The following TYW1 variants were observed in gnomAD, a reference collection of about 807,000 sequenced individuals.
The protein encoded by TYW1 is S-adenosyl-L-methionine-dependent tRNA 4-demethylwyosine synthase TYW1.
Under a neutral mutation model 96.2 loss-of-function variants are expected in TYW1, and 46 were observed. That is an observed-to-expected ratio of 0.48 (90% confidence interval 0.38 to 0.61). The LOEUF (loss-of-function observed/expected upper bound fraction) is 0.61, where lower values mean the gene tolerates loss of function less well. TYW1 is among the 20% of genes least tolerant of loss of function. The pLI is 0.00. For missense variants in TYW1, 684 were observed against 909.6 expected, an observed-to-expected ratio of 0.75 and a Z score of 3.19; for synonymous variants, 274 against 323.0, an observed-to-expected ratio of 0.85 and a Z score of 1.63.
chr7:67,217,463 T>C (rs1000234638), intron 15 of TYW1, among the ~76,000 whole-genome samples: 9 of 152,222 alleles, frequency 5.9e-5, no homozygotes, highest in African/African-American at 2.2e-4. Context: ...TCCAGCCTCA[T>C]TGCTTTGCAT....
chr7:67,009,550 G>C, intron 3 of TYW1, 33 bp from the exon 4 acceptor site: 1 of 1,597,494 alleles, frequency 6.3e-7, no homozygotes, highest in South Asian at 1.1e-5. Flanking sequence ...GCTCATTGAA[G>C]ACTTTATTTG....
intron 13 of TYW1, among the ~76,000 whole-genome samples, chr7:67,157,648 C>T (rs1403671940): frequency 2.0e-5 from 3 of 152,150 alleles, no homozygotes; most frequent in Non-Finnish European, 2.9e-5. Context: ...TTTGGCTGAA[C>T]GGATGCCCCT....
chr7:67,195,590 A>G (rs938979268), intron 15 of TYW1, among the ~76,000 whole-genome samples: 7 of 152,168 alleles, frequency 4.6e-5, no homozygotes, highest in Non-Finnish European at 8.8e-5. Flanking sequence ...TAGAAGGTGC[A>G]TGCTAACAAA....
At chr7:67,004,579 C>T (rs916707150) in intron 3 of TYW1, among the ~76,000 whole-genome samples, 1 of 152,210 alleles carries the variant, frequency 6.6e-6, no homozygotes, top group African/African-American at 2.4e-5. Flanking sequence ...CCAAATAAAC[C>T]TTTTTATGGT....
chr7:67,084,110 T>C (rs1476942192), intron 11 of TYW1, among the ~76,000 whole-genome samples: 8 of 152,248 alleles, frequency 5.3e-5, no homozygotes, highest in African/African-American at 1.9e-4. Context: ...TACCTGGGAA[T>C]GTACCATCAA....
chr7:67,003,332 T>G lies in TYW1; in HGVS notation c.273+4378T>G, dbSNP rs576402173. On this transcript the variant is annotated intron_variant, in intron 3 of 15. Transcript: ENST00000359626. ...AACCCATGTCCAGTCTGTCAGCAGATTCTGTTTGTTCTACTTTAAGAATAG... is the reference window on the plus strand; with the variant it reads ...AACCCATGTCCAGTCTGTCAGCAGAGTCTGTTTGTTCTACTTTAAGAATAG... 9.2e-5 allele frequency among the ~76,000 whole-genome samples: 14 copies of G among 152,148 alleles called. No homozygotes were observed. The East Asian group carries it at 2.7e-3, about 29-fold the overall frequency.
chr7:67,155,545 C>G (rs1798941066), intron 13 of TYW1, among the ~76,000 whole-genome samples: 1 of 148,294 alleles, frequency 6.7e-6, no homozygotes, highest in East Asian at 1.9e-4. Context: ...ATAAATTACC[C>G]AGCTTTAGGT....
At chr7:67,216,800 T>G (rs1801208684) in intron 15 of TYW1, among the ~76,000 whole-genome samples, 1 of 151,148 alleles carries the variant, frequency 6.6e-6, no homozygotes, top group South Asian at 2.1e-4. Context: ...GATCTAAGTT[T>G]GTTACAATTT....
chr7:67,104,736 G>T (rs2115895674), intron 12 of TYW1, among the ~76,000 whole-genome samples: 1 of 152,312 alleles, frequency 6.6e-6, no homozygotes, highest in African/African-American at 2.4e-5. Context: ...GTATGCTTTT[G>T]TCAAAACAGA....
intron 7 of TYW1, among the ~76,000 whole-genome samples, chr7:67,045,792 G>A (rs963173927): frequency 1.3e-5 from 2 of 152,164 alleles, no homozygotes; most frequent in Non-Finnish European, 2.9e-5. Context: ...GTTGGAGACA[G>A]GGAGGCCATT....
intron 15 of TYW1, among the ~76,000 whole-genome samples, chr7:67,232,654 G>T (rs1584725799): frequency 7.6e-6 from 1 of 132,008 alleles, no homozygotes; most frequent in Non-Finnish European, 1.6e-5. Flanking sequence ...CCCAACCTCA[G>T]TATCTTGTCA....
chr7:67,228,387 C>T (rs1045217886), intron 15 of TYW1, among the ~76,000 whole-genome samples: 2 of 152,156 alleles, frequency 1.3e-5, no homozygotes, highest in Non-Finnish European at 2.9e-5. Context: ...ATCTCAAGAA[C>T]AGCACAGGAA....
chr7:67,035,598 A>G (rs1010331209), intron 7 of TYW1, among the ~76,000 whole-genome samples: 3 of 152,136 alleles, frequency 2.0e-5, no homozygotes, highest in African/African-American at 4.8e-5. Context: ...ACTCAAGGGT[A>G]TAGTTCATTG....
intron 15 of TYW1, among the ~76,000 whole-genome samples, chr7:67,202,631 G>T (rs1355971481): frequency 6.6e-6 from 1 of 151,996 alleles, no homozygotes; most frequent in Non-Finnish European, 1.5e-5. Flanking sequence ...TCCTGGGCTC[G>T]AGCAGCCCTC....
chr7:67,136,764 T>C (rs1361890384), intron 13 of TYW1, among the ~76,000 whole-genome samples: 3 of 152,144 alleles, frequency 2.0e-5, no homozygotes, highest in African/African-American at 7.2e-5. Context: ...ACTAATAATG[T>C]GTAGTTGTCC....
At chr7:67,234,347 T>TCAAAAAAAA (rs1455943199) in intron 15 of TYW1, among the ~76,000 whole-genome samples, 65 of 81,136 alleles carry the variant, frequency 8.0e-4, no homozygotes, top group Non-Finnish European at 1.3e-3. Flanking sequence ...AACCTATCTC[T>TCAAAAAAAA]TAAAAAAAAA....
rs183840753 is a variant in TYW1 at position 67,143,584 on chromosome 7, C to T, written c.1698+25966C>T. On this transcript the variant is annotated intron_variant, in intron 13 of 15. Transcript: ENST00000359626. The stretch of plus-strand genomic sequence containing the variant: ...CAGAGTTTGGCGATTTGGGAAAGCA[C>T]GTGTGGCTTGTGGAGCAGTTCAGTT... Among the ~76,000 whole-genome samples, 119 of 152,218 alleles carry T rather than the reference C, an allele frequency of 7.8e-4. No individual in the cohort carries two copies. The East Asian group carries it at 0.018, about 24-fold the overall frequency.
intron 15 of TYW1, among the ~76,000 whole-genome samples, chr7:67,228,582 G>T (rs1801640229): frequency 6.6e-6 from 1 of 152,224 alleles, no homozygotes; most frequent in Non-Finnish European, 1.5e-5. Flanking sequence ...GAATGGTATA[G>T]TGTTACGTGG....
chr7:67,153,472 C>G (rs1397678398), intron 13 of TYW1, among the ~76,000 whole-genome samples: 1 of 152,102 alleles, frequency 6.6e-6, no homozygotes, highest in East Asian at 1.9e-4. Flanking sequence ...CAAAACAATA[C>G]AAAATAGTCT....
Sources: allele counts gnomAD v4.1 joint callset (sites outside exome capture counted in the v4.1 genomes callset), GRCh38; gene constraint gnomAD v4.1.1; transcripts MANE v1.5; gene names NCBI Gene and HGNC (gene_info 2026-07-23, HGNC 2026-07-21).